IGF1R: variants seen among roughly 807,000 people sequenced by gnomAD.
IGF1R encodes the protein insulin-like growth factor 1 receptor.
IGF1R carries 44 observed loss-of-function variants against 144.6 expected under a neutral mutation model. The observed-to-expected ratio is 0.30, with a 90% CI of 0.24 to 0.39. The LOEUF is 0.39. IGF1R is among the 10% of genes least tolerant of loss of function. IGF1R has a pLI of 1.00. For missense variants in IGF1R, 1,355 were observed against 1,833.7 expected, an observed-to-expected ratio of 0.74 and a Z score of 4.77; for synonymous variants, 795 against 722.8, an observed-to-expected ratio of 1.10 and a Z score of -1.60.
chr15:98,776,659 A>G (rs2055724130), intron 2 of IGF1R, among the ~76,000 whole-genome samples: 1 of 152,056 alleles, frequency 6.6e-6, no homozygotes, highest in South Asian at 2.1e-4. Flanking sequence ...ACCTGCCATT[A>G]CCAGACATTG....
intron 2 of IGF1R, among the ~76,000 whole-genome samples, chr15:98,878,707 AAAAG>A (rs1399658208): frequency 2.0e-5 from 3 of 150,268 alleles, no homozygotes; most frequent in African/African-American, 4.9e-5. Flanking sequence ...AACAACAAAA[AAAAG>A]GCCAGGCACG....
rs112718869 is a variant in IGF1R at position 98,816,291 on chromosome 15, A to G, written c.641-75034A>G. On this transcript the variant is annotated intron_variant, in intron 2 of 20. Transcript: ENST00000650285. ...AAGATCTGCCCAGTACCTTGTGCAT[A>G]TCAGGTCTCAGGAAATTGTGAGTTT... 6.9e-3 allele frequency among the ~76,000 whole-genome samples: 1,057 copies of G among 152,314 alleles called. 20 individuals carry two copies. The highest frequency in any genetic ancestry group is 0.024 in the African/African-American group (994 of 41,574).
chr15:98,723,723 G>T (rs988861943), intron 2 of IGF1R, among the ~76,000 whole-genome samples: 2 of 152,168 alleles, frequency 1.3e-5, no homozygotes, highest in Non-Finnish European at 2.9e-5. Flanking sequence ...TAACATCCCC[G>T]GGCCTGGAAG....
intron 2 of IGF1R, among the ~76,000 whole-genome samples, chr15:98,791,970 T>C (rs995029806): frequency 6.6e-6 from 1 of 152,374 alleles, no homozygotes; most frequent in South Asian, 2.1e-4. Flanking sequence ...GGTCCTCACC[T>C]GGCAGGGTTT....
chr15:98,895,245 C>G (rs1007077394), intron 3 of IGF1R, among the ~76,000 whole-genome samples: 42 of 149,758 alleles, frequency 2.8e-4, no homozygotes, highest in East Asian at 1.9e-3. Flanking sequence ...CACACACACA[C>G]ACACACACAC....
At chr15:98,652,881 A>G (rs190861296) in intron 1 of IGF1R, among the ~76,000 whole-genome samples, 1 of 151,440 alleles carries the variant, frequency 6.6e-6, no homozygotes, top group Non-Finnish European at 1.5e-5. Flanking sequence ...CCATTGGATT[A>G]TGTACTTTAA....
At chr15:98,833,460 G>A (rs2057038471) in intron 2 of IGF1R, among the ~76,000 whole-genome samples, 1 of 152,162 alleles carries the variant, frequency 6.6e-6, no homozygotes, top group African/African-American at 2.4e-5. Context: ...GGAAGTGAGC[G>A]ATTCTCTTTT....
intron 5 of IGF1R, among the ~76,000 whole-genome samples, chr15:98,905,185 C>T (rs984888365): frequency 1.3e-5 from 2 of 152,164 alleles, no homozygotes; most frequent in Non-Finnish European, 2.9e-5. Context: ...ATAGAGATAA[C>T]ATAGAGATGT....
intron 2 of IGF1R, among the ~76,000 whole-genome samples, chr15:98,835,451 A>G (rs1410459933): frequency 6.6e-6 from 1 of 152,196 alleles, no homozygotes; most frequent in Non-Finnish European, 1.5e-5. Flanking sequence ...GGCTTTAAGT[A>G]GAGATTTTCT....
At chr15:98,902,330 T>C (rs984155897) in intron 5 of IGF1R, among the ~76,000 whole-genome samples, 14 of 152,082 alleles carry the variant, frequency 9.2e-5, no homozygotes, top group African/African-American at 2.7e-4. Context: ...CGGTTTTTTT[T>C]CCTAAATATT....
chr15:98,957,876 C>T lies in IGF1R; in HGVS notation c.*434C>T, dbSNP rs2017071837. The T allele has an allele frequency of 2.2e-5, 6 of 272,332 alleles. 1 individual carries two copies. The South Asian group carries it at 5.0e-4, about 23-fold the overall frequency. The allele number at this position is 272,332 out of a possible 1,614,324, so 16.9% of individuals were successfully genotyped here. A position where few individuals can be genotyped will look rare whatever the true frequency, so the allele number is the denominator to read the frequency against. ...GGCTGTCCCTGTGGCCCCATCCAAC[C>T]ACTGTACACACCCGCCTGACACCGT... is the stretch of plus-strand genomic sequence containing the variant. On this transcript the variant is annotated 3_prime_UTR_variant, in exon 21 of 21. Transcript: ENST00000650285.
At position 98,963,657 on chromosome 15, in the gene IGF1R, A is replaced by G. The variant is rs2017314395; in HGVS notation, c.*6215A>G. The stretch of plus-strand genomic sequence containing the variant: ...ATTACAGCATACACAGTGATCACAT[A>G]AACGATGACAGCTATGGGGCACACA... On this transcript the variant is annotated 3_prime_UTR_variant, in exon 21 of 21. Transcript: ENST00000650285. 1 of 233,230 alleles carries G rather than the reference A, an allele frequency of 4.3e-6. No individual in the cohort carries two copies. Among genetic ancestry groups the G allele is most frequent in the African/African-American group, 2.2e-5 (1 of 45,362 alleles). 14.4% of individuals were successfully genotyped at this position (233,230 alleles called of 1,614,324 possible).
intron 2 of IGF1R, among the ~76,000 whole-genome samples, chr15:98,759,269 T>G (rs1444496286): frequency 6.6e-6 from 1 of 152,226 alleles, no homozygotes; most frequent in African/African-American, 2.4e-5. Context: ...TGCAGGTGTT[T>G]CTGTCTGATG....
At chr15:98,762,299 A>G (rs2055325122) in intron 2 of IGF1R, among the ~76,000 whole-genome samples, 1 of 140,074 alleles carries the variant, frequency 7.1e-6, no homozygotes. Context: ...GTGCACTGGC[A>G]CGCGCATAGC....
At chr15:98,662,571 T>A (rs556810896) in intron 1 of IGF1R, among the ~76,000 whole-genome samples, 1 of 149,034 alleles carries the variant, frequency 6.7e-6, no homozygotes, top group African/African-American at 2.5e-5. Flanking sequence ...AGAATATGAT[T>A]TTTTTTTTTT....
intron 1 of IGF1R, among the ~76,000 whole-genome samples, chr15:98,698,334 C>G (rs925246010): frequency 6.6e-6 from 1 of 152,180 alleles, no homozygotes; most frequent in African/African-American, 2.4e-5. Flanking sequence ...ACCACGCCCA[C>G]CGGCCTCCCA....
intron 1 of IGF1R, among the ~76,000 whole-genome samples, chr15:98,689,875 C>A (rs1244620406): frequency 6.6e-6 from 1 of 152,150 alleles, no homozygotes; most frequent in Non-Finnish European, 1.5e-5. Flanking sequence ...TCACACTGTC[C>A]TCACGCTGCC....
intron 2 of IGF1R, among the ~76,000 whole-genome samples, chr15:98,863,255 G>A (rs2012255954): frequency 6.6e-6 from 1 of 152,002 alleles, no homozygotes; most frequent in Admixed American, 6.6e-5. Context: ...GTGTCTTTGC[G>A]CATCCTGTCA....
chr15:98,782,582 C>T (rs569607537), intron 2 of IGF1R, among the ~76,000 whole-genome samples: 8 of 152,184 alleles, frequency 5.3e-5, no homozygotes, highest in East Asian at 1.9e-4. Flanking sequence ...TCAGTGCTTG[C>T]GGACCTGCTC....
Sources: allele counts gnomAD v4.1 joint callset (sites outside exome capture counted in the v4.1 genomes callset), GRCh38; gene constraint gnomAD v4.1.1; transcripts MANE v1.5; gene names NCBI Gene and HGNC (gene_info 2026-07-23, HGNC 2026-07-21).